STIM2: variants seen among roughly 807,000 people sequenced by gnomAD.
STIM2 encodes stromal interaction molecule 2.
A neutral mutation model predicts 85.8 loss-of-function variants in STIM2; 31 were observed. That is an observed-to-expected ratio of 0.36 (90% CI 0.27 to 0.49). The LOEUF (loss-of-function observed/expected upper bound fraction) is 0.49. Ranked by LOEUF, STIM2 falls within the 20% of genes least tolerant of loss-of-function variation. The probability of loss-of-function intolerance (pLI) is 0.98; values close to 1 mark genes in which losing one functional copy is unlikely to be tolerated. For synonymous variants in STIM2, 356 were observed against 331.1 expected (o/e 1.08, Z -0.82); for missense variants, 841 against 927.6 (o/e 0.91, Z 1.21).
At chr4:26,892,599 A>T (rs138546963) in intron 1 of STIM2, among the ~76,000 whole-genome samples, 5 of 152,180 alleles carry the variant, frequency 3.3e-5, no homozygotes, top group African/African-American at 1.2e-4. Flanking sequence ...ACCTTCTGAC[A>T]TGCATATGTT....
At chr4:27,014,409 A>G (rs1728665093) in intron 10 of STIM2, among the ~76,000 whole-genome samples, 1 of 151,674 alleles carries the variant, frequency 6.6e-6, no homozygotes, top group South Asian at 2.1e-4. Context: ...AATTACTAAT[A>G]TGTCACTTCC....
At chr4:26,964,154 T>G (rs550054425) in intron 3 of STIM2, among the ~76,000 whole-genome samples, 1 of 152,232 alleles carries the variant, frequency 6.6e-6, no homozygotes, top group Non-Finnish European at 1.5e-5. Flanking sequence ...CAGACTGTAG[T>G]GAGTCTCTGT....
intron 2 of STIM2, among the ~76,000 whole-genome samples, chr4:26,944,899 G>C: frequency 6.6e-6 from 1 of 152,192 alleles, no homozygotes; most frequent in East Asian, 1.9e-4. Flanking sequence ...AATGAATAAA[G>C]TGTATGTTGT....
intron 3 of STIM2, among the ~76,000 whole-genome samples, chr4:26,990,072 A>G (rs904053333): frequency 2.0e-5 from 3 of 152,156 alleles, no homozygotes; most frequent in Admixed American, 1.3e-4. Flanking sequence ...TCAAAATACC[A>G]ATTATATCCT....
intron 1 of STIM2, among the ~76,000 whole-genome samples, chr4:26,869,843 A>G (rs1159932041): frequency 1.3e-5 from 2 of 151,302 alleles, no homozygotes; most frequent in Non-Finnish European, 2.9e-5. Flanking sequence ...TATGTTAGAG[A>G]TATCTGCACT....
intron 11 of STIM2, chr4:27,019,565 C>A: frequency 1.9e-6 from 2 of 1,074,778 alleles, no homozygotes; most frequent in Non-Finnish European, 2.5e-6. Flanking sequence ...TCATAGCTAG[C>A]TCTCATAAAT....
chr4:26,945,909 G>A (rs559286708), intron 2 of STIM2, among the ~76,000 whole-genome samples: 6 of 152,054 alleles, frequency 3.9e-5, no homozygotes, highest in East Asian at 1.9e-4. Flanking sequence ...ATAAAGTCTC[G>A]GAATCCATGG....
At chr4:26,936,434 CT>C (rs1223288099) in intron 2 of STIM2, among the ~76,000 whole-genome samples, 3 of 152,152 alleles carry the variant, frequency 2.0e-5, no homozygotes, top group Non-Finnish European at 4.4e-5. Flanking sequence ...ACAGCTTTCT[CT>C]TATTCTACTG....
At chr4:26,874,111 G>A in intron 1 of STIM2, 1 of 563,314 alleles carries the variant, frequency 1.8e-6, no homozygotes, top group Non-Finnish European at 3.4e-6. Context: ...TGGAGGCTCT[G>A]CTGCCCTGGC....
chr4:26,876,483 C>T (rs1444848006), intron 1 of STIM2, among the ~76,000 whole-genome samples: 1 of 152,140 alleles, frequency 6.6e-6, no homozygotes. Context: ...TCTCTAGATC[C>T]CTTCTTTTTC....
At chr4:26,978,323 A>G (rs951416468) in intron 3 of STIM2, among the ~76,000 whole-genome samples, 2 of 148,522 alleles carry the variant, frequency 1.3e-5, no homozygotes, top group Non-Finnish European at 3.0e-5. Context: ...ATGAATATAT[A>G]TTATATATAT....
intron 1 of STIM2, among the ~76,000 whole-genome samples, chr4:26,910,579 T>C (rs1724299919): frequency 6.6e-6 from 1 of 151,986 alleles, no homozygotes; most frequent in Admixed American, 6.6e-5. Flanking sequence ...AAAAATTAGA[T>C]AGCTGTCAGT....
chr4:26,983,150 A>C (rs903676522), intron 3 of STIM2, among the ~76,000 whole-genome samples: 16 of 152,240 alleles, frequency 1.1e-4, no homozygotes, highest in South Asian at 6.2e-4. Flanking sequence ...ATTGAAAAAA[A>C]ACTTGGGAGA....
At chr4:26,963,046 C>T (rs2109097981) in intron 3 of STIM2, among the ~76,000 whole-genome samples, 1 of 152,096 alleles carries the variant, frequency 6.6e-6, no homozygotes, top group East Asian at 1.9e-4. Flanking sequence ...AAATTTAAAG[C>T]AACTGAAATA....
At chr4:26,955,175 A>G (rs1726201203) in intron 2 of STIM2, among the ~76,000 whole-genome samples, 1 of 147,336 alleles carries the variant, frequency 6.8e-6, no homozygotes, top group Non-Finnish European at 1.5e-5. Context: ...TTATTTTGTT[A>G]AGTATGTTTG....
intron 3 of STIM2, among the ~76,000 whole-genome samples, chr4:26,958,453 A>C (rs763177215): frequency 5.3e-5 from 8 of 152,184 alleles, no homozygotes; most frequent in Non-Finnish European, 1.2e-4. Context: ...AAACGAAATT[A>C]AAGGGACAGA....
intron 1 of STIM2, among the ~76,000 whole-genome samples, chr4:26,866,051 A>T (rs1475199298): frequency 6.6e-6 from 1 of 150,974 alleles, no homozygotes; most frequent in Non-Finnish European, 1.5e-5. Flanking sequence ...TTTATTTTAG[A>T]TTCATATGCA....
intron 3 of STIM2, among the ~76,000 whole-genome samples, chr4:26,981,032 T>C (rs2109113355): frequency 6.6e-6 from 1 of 152,284 alleles, no homozygotes; most frequent in Middle Eastern, 3.4e-3. Context: ...TAAATACTAA[T>C]ACCTACAGAA....
At chr4:26,875,225 T>A (rs1447975238) in intron 1 of STIM2, among the ~76,000 whole-genome samples, 1 of 152,226 alleles carries the variant, frequency 6.6e-6, no homozygotes, top group Non-Finnish European at 1.5e-5. Context: ...TGTTTTGTGT[T>A]ATTTTTGCCA....
Sources: allele counts gnomAD v4.1 joint callset (sites outside exome capture counted in the v4.1 genomes callset), GRCh38; gene constraint gnomAD v4.1.1; transcripts MANE v1.5; gene names NCBI Gene and HGNC (gene_info 2026-07-23, HGNC 2026-07-21).